Variants in CDH4 observed in about 807,000 individuals in gnomAD.
CDH4 encodes the protein cadherin-4.
Under a neutral mutation model 86.0 loss-of-function variants are expected in CDH4, and 33 were observed. The ratio of observed to expected loss-of-function variants is 0.38; its 90% CI spans 0.29 to 0.51. The LOEUF is 0.51. CDH4 is among the 20% of genes least tolerant of loss of function. The pLI is 0.86. For synonymous variants in CDH4, 555 were observed against 549.4 expected (o/e 1.01, Z -0.14); for missense variants, 1,114 against 1,307.4 (o/e 0.85, Z 2.28).
At chr20:61,307,834 G>C (rs1301909906) in intron 2 of CDH4, among the ~76,000 whole-genome samples, 1 of 152,220 alleles carries the variant, frequency 6.6e-6, no homozygotes, top group Admixed American at 6.5e-5. Flanking sequence ...TGTGGAGCCA[G>C]CCGGGCTCCA....
chr20:61,455,580 A>G (rs536937482), intron 2 of CDH4, among the ~76,000 whole-genome samples: 1 of 152,242 alleles, frequency 6.6e-6, no homozygotes, highest in African/African-American at 2.4e-5. Flanking sequence ...TCGGGTAATC[A>G]TAAACTTCTA....
chr20:61,329,779 T>C (rs1439904474), intron 2 of CDH4, among the ~76,000 whole-genome samples: 1 of 152,214 alleles, frequency 6.6e-6, no homozygotes, highest in Non-Finnish European at 1.5e-5. Context: ...TTGCTGCACC[T>C]ATCACCCATC....
chr20:61,432,436 T>C lies in CDH4; in HGVS notation c.169+177499T>C, dbSNP rs1215211094. Among the ~76,000 whole-genome samples the C allele has an allele frequency of 2.6e-5, 4 of 152,240 alleles. No individual in the cohort carries two copies. The East Asian group carries it at 7.7e-4, about 29-fold the overall frequency. On this transcript the variant is annotated intron_variant, in intron 2 of 15. Coordinates refer to ENST00000614565, the MANE Select transcript of CDH4 (RefSeq NM_001794.5). ...TTCTCCTTGATCATCTCATGCATCT[T>C]CTTTTGTGGAGTGTCTGTTTCCATC... is the stretch of plus-strand genomic sequence containing the variant.
intron 3 of CDH4, among the ~76,000 whole-genome samples, chr20:61,767,059 C>T (rs1218947098): frequency 6.6e-6 from 1 of 152,216 alleles, no homozygotes; most frequent in East Asian, 1.9e-4. Context: ...ATCCCTTGAG[C>T]TTGATGTCCT....
At chr20:61,641,219 C>T (rs917264731) in intron 2 of CDH4, among the ~76,000 whole-genome samples, 1 of 152,154 alleles carries the variant, frequency 6.6e-6, no homozygotes, top group African/African-American at 2.4e-5. Flanking sequence ...AGCTATGTGC[C>T]AGTGATTTGG....
chr20:61,604,026 G>T (rs1167285061), intron 2 of CDH4, among the ~76,000 whole-genome samples: 1 of 152,092 alleles, frequency 6.6e-6, no homozygotes, highest in Non-Finnish European at 1.5e-5. Flanking sequence ...AACCCACAGG[G>T]AACTACCGCA....
At position 61,531,439 on chromosome 20, in the gene CDH4, C is replaced by CTCCA. The variant is rs199891852; in HGVS notation, c.170-212123_170-212120dup. Reference sequence around the variant, plus strand: ...AGTGAGCCAAGATCGTGCCATTGCACTCCAGCCTGGGCGACAGAGCAAGAC... The same window carrying CTCCA: ...AGTGAGCCAAGATCGTGCCATTGCACTCCATCCAGCCTGGGCGACAGAGCAAGAC... On this transcript the variant is annotated intron_variant, in intron 2 of 15. Transcript: ENST00000614565. Among the ~76,000 whole-genome samples the CTCCA allele has an allele frequency of 5.3e-3, 729 of 137,570 alleles. 1 individual carries two copies. Among genetic ancestry groups the CTCCA allele is most frequent in the African/African-American group, 0.02 (667 of 33,154 alleles). The allele number at this position is 137,570 out of a possible 152,430, so 90.3% of individuals were successfully genotyped here.
At chr20:61,575,301 AAGG>A (rs1455676887) in intron 2 of CDH4, among the ~76,000 whole-genome samples, 1 of 152,206 alleles carries the variant, frequency 6.6e-6, no homozygotes, top group African/African-American at 2.4e-5. Context: ...GTTGAGGAGA[AAGG>A]AGAGAGGTTT....
At chr20:61,445,634 A>G (rs940966406) in intron 2 of CDH4, among the ~76,000 whole-genome samples, 7 of 151,732 alleles carry the variant, frequency 4.6e-5, no homozygotes, top group Admixed American at 3.9e-4. Flanking sequence ...AGGCCATTCT[A>G]CTTTTAGTTC....
intron 2 of CDH4, among the ~76,000 whole-genome samples, chr20:61,463,153 G>A (rs557547516): frequency 9.9e-5 from 15 of 152,160 alleles, no homozygotes; most frequent in Middle Eastern, 3.4e-3. Context: ...CTCTTTCTTC[G>A]TCTTCCTCCG....
At chr20:61,812,885 C>T (rs1382907194) in intron 4 of CDH4, among the ~76,000 whole-genome samples, 1 of 152,164 alleles carries the variant, frequency 6.6e-6, no homozygotes, top group East Asian at 1.9e-4. Flanking sequence ...CAGCCAGGAA[C>T]AGATGAGGAA....
At chr20:61,281,195 G>C (rs1381266029) in intron 2 of CDH4, among the ~76,000 whole-genome samples, 1 of 152,152 alleles carries the variant, frequency 6.6e-6, no homozygotes, top group East Asian at 1.9e-4. Flanking sequence ...TTCTCACCAA[G>C]GGCCGTGGTC....
At chr20:61,350,652 A>G (rs1210019049) in intron 2 of CDH4, among the ~76,000 whole-genome samples, 1 of 140,646 alleles carries the variant, frequency 7.1e-6, no homozygotes, top group Non-Finnish European at 1.5e-5. Context: ...GCCCTCTCCC[A>G]GTGCCATGAT....
intron 2 of CDH4, among the ~76,000 whole-genome samples, chr20:61,608,068 C>CTTCCATCATTCTCCCCT (rs1344100399): frequency 3.3e-5 from 5 of 152,122 alleles, no homozygotes; most frequent in African/African-American, 1.2e-4. Flanking sequence ...GCATCTCCCC[C>CTTCCATCATTCTCCCCT]TTCCATCATT....
intron 2 of CDH4, among the ~76,000 whole-genome samples, chr20:61,600,440 G>GGGA (rs1413067636): frequency 6.6e-6 from 1 of 152,218 alleles, no homozygotes; most frequent in Non-Finnish European, 1.5e-5. Flanking sequence ...GGGGCCTTGA[G>GGGA]GGAGTCACTC....
chr20:61,860,382 A>G (rs1349249341), intron 6 of CDH4, among the ~76,000 whole-genome samples: 1 of 152,248 alleles, frequency 6.6e-6, no homozygotes, highest in Non-Finnish European at 1.5e-5. Context: ...TCGGATATGC[A>G]TATTTGTGAA....
intron 2 of CDH4, among the ~76,000 whole-genome samples, chr20:61,666,656 C>A (rs1391958788): frequency 1.3e-5 from 2 of 152,194 alleles, no homozygotes; most frequent in Admixed American, 6.5e-5. Flanking sequence ...GGACTAGGGA[C>A]TCCAGGAGGG....
At chr20:61,399,560 C>T (rs2085038473) in intron 2 of CDH4, among the ~76,000 whole-genome samples, 1 of 152,194 alleles carries the variant, frequency 6.6e-6, no homozygotes, top group Non-Finnish European at 1.5e-5. Context: ...CCTGGCTCAG[C>T]CTTTGCACCC....
rs1435839283 is a variant in CDH4 at position 61,647,157 on chromosome 20, G to A, written c.170-96406G>A. ...GGAGATGCCTCATCCAGCCAGTATA[G>A]CGCCAGGCACGTGTTCCCAAGCAGG... On this transcript the variant is annotated intron_variant, in intron 2 of 15. Coordinates refer to ENST00000614565, the MANE Select transcript of CDH4 (RefSeq NM_001794.5). Among the ~76,000 whole-genome samples the A allele has an allele frequency of 5.3e-5, 8 of 152,318 alleles. No individual in the cohort carries two copies. The East Asian group carries it at 1.5e-3, about 29-fold the overall frequency.
Sources: allele counts gnomAD v4.1 joint callset (sites outside exome capture counted in the v4.1 genomes callset), GRCh38; gene constraint gnomAD v4.1.1; transcripts MANE v1.5; gene names NCBI Gene and HGNC (gene_info 2026-07-23, HGNC 2026-07-21).